EXTL3: variants seen among roughly 807,000 people sequenced by gnomAD.
The protein encoded by EXTL3 is exostosin like glycosyltransferase 3.
Under a neutral mutation model 69.3 loss-of-function variants are expected in EXTL3, and 27 were observed. The observed-to-expected ratio is 0.39, with a 90% CI of 0.29 to 0.54. The LOEUF (loss-of-function observed/expected upper bound fraction) is 0.54, where lower values mean the gene tolerates loss of function less well. EXTL3 is among the 20% of genes least tolerant of loss of function. EXTL3 has a pLI of 0.69. For missense variants in EXTL3, 1,003 were observed against 1,231.8 expected, an observed-to-expected ratio of 0.81 and a Z score of 2.78; for synonymous variants, 511 against 499.4, an observed-to-expected ratio of 1.02 and a Z score of -0.31.
intron 1 of EXTL3, among the ~76,000 whole-genome samples, chr8:28,703,817 A>G (rs1800863628): frequency 6.6e-6 from 1 of 152,224 alleles, no homozygotes; most frequent in Non-Finnish European, 1.5e-5. Flanking sequence ...TTTAGCTCAG[A>G]AAACTTCTAT....
At chr8:28,747,232 C>T (rs549070983) in intron 6 of EXTL3, among the ~76,000 whole-genome samples, 1 of 152,176 alleles carries the variant, frequency 6.6e-6, no homozygotes, top group Admixed American at 6.5e-5. Context: ...CATCCTGCTC[C>T]AGTGGGAACC....
At chr8:28,671,421 C>T (rs922591379) in intron 1 of EXTL3, among the ~76,000 whole-genome samples, 1 of 149,232 alleles carries the variant, frequency 6.7e-6, no homozygotes, top group African/African-American at 2.5e-5. Flanking sequence ...ATTTCGGCAA[C>T]CTCTGCCTCC....
intron 3 of EXTL3, among the ~76,000 whole-genome samples, chr8:28,721,174 T>C (rs1801284741): frequency 6.6e-6 from 1 of 152,248 alleles, no homozygotes; most frequent in Admixed American, 6.5e-5. Context: ...ATTTTTGTTT[T>C]AGTAGGTGGT....
intron 4 of EXTL3, among the ~76,000 whole-genome samples, chr8:28,731,775 A>G (rs940261584): frequency 6.6e-6 from 1 of 152,150 alleles, no homozygotes; most frequent in Non-Finnish European, 1.5e-5. Context: ...TGTTGGAGCA[A>G]TGGAACAGTG....
intron 1 of EXTL3, among the ~76,000 whole-genome samples, chr8:28,671,321 T>G (rs1244016513): frequency 4.8e-5 from 7 of 147,022 alleles, no homozygotes; most frequent in Admixed American, 3.4e-4. Context: ...TTTTTTTTTT[T>G]TTTTTTTTGA....
chr8:28,689,017 G>A (rs915432806), intron 1 of EXTL3, among the ~76,000 whole-genome samples: 3 of 152,190 alleles, frequency 2.0e-5, no homozygotes, highest in African/African-American at 2.4e-5. Context: ...AGATTTCTGT[G>A]AATTCCTGGA....
intron 1 of EXTL3, among the ~76,000 whole-genome samples, chr8:28,653,241 T>G (rs560254605): frequency 1.3e-5 from 2 of 152,234 alleles, no homozygotes; most frequent in Non-Finnish European, 2.9e-5. Context: ...TGTTCAGTTG[T>G]AGGAGTTTTT....
At position 28,742,496 on chromosome 8, in the gene EXTL3, C is replaced by T. The variant is rs186352799; in HGVS notation, c.2422-590C>T. 1.4e-3 allele frequency: 244 copies of T among 168,794 alleles called. 2 individuals carry two copies. Among genetic ancestry groups the T allele is most frequent in the African/African-American group, 5.1e-3 (213 of 41,698 alleles). 10.5% of individuals were successfully genotyped at this position (168,794 alleles called of 1,614,324 possible). On this transcript the variant is annotated intron_variant, in intron 5 of 6. Coordinates refer to ENST00000220562, the MANE Select transcript of EXTL3 (RefSeq NM_001440.4). ...TGAGTGTTAACACAATCACCTGCTG[C>T]GCTGGGACTAGCACATGGGGAAGAG...
At chr8:28,705,691 A>G (rs745881012) in intron 1 of EXTL3, among the ~76,000 whole-genome samples, 36 of 152,356 alleles carry the variant, frequency 2.4e-4, no homozygotes, top group Non-Finnish European at 3.1e-4. Flanking sequence ...AATAAAAATC[A>G]TGTATGTTTG....
At chr8:28,744,245 C>A (rs1801837836) in intron 6 of EXTL3, among the ~76,000 whole-genome samples, 1 of 152,196 alleles carries the variant, frequency 6.6e-6, no homozygotes, top group Non-Finnish European at 1.5e-5. Flanking sequence ...AGATTTATAC[C>A]TGATGTCCTT....
At position 28,717,951 on chromosome 8, in the gene EXTL3, G is replaced by A; in HGVS notation, c.1892G>A (p.Gly631Asp). The change falls in exon 3 of 7, where the codon GGC (glycine) becomes GAC (aspartate). Residue 631 changes from glycine to aspartate, a missense_variant. Coordinates refer to ENST00000220562, the MANE Select transcript of EXTL3 (RefSeq NM_001440.4). The surrounding 1 kb of genome is among the most constrained non-coding windows in gnomAD (Gnocchi z 8.3). ...PVLPSEAKFL[G>D]SGTGFRPIGG... ...TTGCCCTCAGAGGCCAAATTCTTGG[G>A]CTCAGGGACTGGCTTTCGGCCTATT... 5.0e-6 allele frequency: 8 copies of A among 1,614,206 alleles called. No homozygotes were observed. Among genetic ancestry groups the A allele is most frequent in the Non-Finnish European group, 6.8e-6 (8 of 1,180,038 alleles).
At chr8:28,674,311 G>A (rs1363730071) in intron 1 of EXTL3, among the ~76,000 whole-genome samples, 1 of 152,124 alleles carries the variant, frequency 6.6e-6, no homozygotes, top group Non-Finnish European at 1.5e-5. Context: ...GGGCTCAAGT[G>A]ATCCTCCCAC....
intron 2 of EXTL3, among the ~76,000 whole-genome samples, chr8:28,615,977 G>A (rs1212795501): frequency 1.3e-5 from 2 of 151,676 alleles, no homozygotes; most frequent in Admixed American, 1.3e-4. Flanking sequence ...GCTCACACCT[G>A]TAATCTCGGC....
chr8:28,675,851 A>G (rs111677876), intron 1 of EXTL3, among the ~76,000 whole-genome samples: 3,786 of 151,962 alleles, frequency 0.025, 66 homozygotes, highest in Non-Finnish European at 0.035. Context: ...GTGAAACCCC[A>G]TCTCTACTAA....
At chr8:28,697,064 ACT>A (rs1328105799), upstream of EXTL3, 1 of 152,158 alleles carries the variant, frequency 6.6e-6, no homozygotes, top group African/African-American at 2.4e-5. Flanking sequence ...ACTTATGAAT[ACT>A]GTTATGCTTT....
At chr8:28,643,822 G>C (rs1288895985) in intron 1 of EXTL3, among the ~76,000 whole-genome samples, 1 of 152,116 alleles carries the variant, frequency 6.6e-6, no homozygotes, top group Non-Finnish European at 1.5e-5. Flanking sequence ...CTGGAGTACA[G>C]TGTCACAATC....
chr8:28,706,393 T>C (rs1196993597), intron 1 of EXTL3, among the ~76,000 whole-genome samples: 3 of 152,254 alleles, frequency 2.0e-5, no homozygotes, highest in Non-Finnish European at 2.9e-5. Context: ...CTTTAATCAC[T>C]ATTTTAATGT....
intron 5 of EXTL3, chr8:28,742,216 G>T (rs896111134): frequency 6.6e-6 from 1 of 152,156 alleles, no homozygotes; most frequent in Non-Finnish European, 1.5e-5. Context: ...GGTGTTTATT[G>T]CATGGATTTT....
At chr8:28,715,300 C>T (rs113974405) in intron 2 of EXTL3, among the ~76,000 whole-genome samples, 54 of 152,208 alleles carry the variant, frequency 3.5e-4, no homozygotes, top group African/African-American at 1.2e-3. Flanking sequence ...AGTTGGTCAT[C>T]GTGTTACAGG....
Sources: gnomAD v4.1 joint callset for allele counts (sites outside exome capture counted in the v4.1 genomes callset) on GRCh38, gnomAD v4.1.1 for gene constraint, Gnocchi (gnomAD v3.1) non-coding constraint, MANE v1.5 for transcripts, NCBI Gene and HGNC (gene_info 2026-07-23, HGNC 2026-07-21) for gene names.